Variants in DMD observed in about 807,000 individuals in gnomAD.
DMD encodes mutant dystrophin.
Under a neutral mutation model 330.1 loss-of-function variants are expected in DMD, and 63 were observed. The observed-to-expected ratio is 0.19, with a 90% CI of 0.16 to 0.24. The LOEUF is 0.24. DMD is among the 10% of genes least tolerant of loss of function. DMD has a pLI of 1.00. For synonymous variants in DMD, 1,223 were observed against 959.8 expected (o/e 1.27, Z -5.07); for missense variants, 3,344 against 2,684.1 (o/e 1.25, Z -5.43).
chrX:32,368,452 C>T (rs1442225409), intron 34 of DMD, among the ~76,000 whole-genome samples: 3 of 111,159 alleles, frequency 2.7e-5, no homozygotes, highest in Non-Finnish European at 5.7e-5. Context: ...TACGAAGCAA[C>T]GAGAAGGTAT....
chrX:33,006,243 C>T (rs775653698), intron 2 of DMD, among the ~76,000 whole-genome samples: 1 of 111,250 alleles, frequency 9.0e-6, no homozygotes, highest in Non-Finnish European at 1.9e-5. Flanking sequence ...ATAGACAAAC[C>T]GTTTCTAAAG....
chrX:32,581,367 T>G (rs926114974), intron 13 of DMD, among the ~76,000 whole-genome samples: 1 of 112,434 alleles, frequency 8.9e-6, no homozygotes, highest in African/African-American at 3.2e-5. Context: ...GGTTACTATG[T>G]AGAAAAACAG....
intron 50 of DMD, among the ~76,000 whole-genome samples, chrX:31,807,238 G>C (rs1363615040): frequency 8.9e-6 from 1 of 112,025 alleles, no homozygotes; most frequent in Non-Finnish European, 1.9e-5. Flanking sequence ...TACTTTCAGA[G>C]AATCAGGTCT....
intron 61 of DMD, among the ~76,000 whole-genome samples, chrX:31,340,650 A>T (rs2057679548): frequency 1.8e-5 from 2 of 112,372 alleles, no homozygotes; most frequent in Admixed American, 9.4e-5. Context: ...TAAAGTTATG[A>T]ATGCTATTAG....
intron 55 of DMD, among the ~76,000 whole-genome samples, chrX:31,549,772 T>C (rs1016937041): frequency 3.6e-5 from 4 of 112,498 alleles, no homozygotes; most frequent in Non-Finnish European, 7.5e-5. Context: ...CATAAATTCA[T>C]GCTTATGAAA....
chrX:32,436,911 C>T (rs765909092), intron 29 of DMD, among the ~76,000 whole-genome samples: 1 of 109,452 alleles, frequency 9.1e-6, no homozygotes, highest in South Asian at 4.0e-4. Context: ...CACGATCATG[C>T]CACTGCACTC....
At chrX:31,206,460 C>A in intron 66 of DMD, 122 bp downstream of exon 66, 1 of 621,454 alleles carries the variant, frequency 1.6e-6, no homozygotes, top group Non-Finnish European at 2.6e-6. Flanking sequence ...ACTCTAAAAG[C>A]AGTTCTACAT....
In DMD at chrX:32,569,608, T is replaced by A. The variant is rs143584953; in HGVS notation, c.1813-3727A>T. On this transcript the variant is annotated intron_variant, in intron 15 of 78. Transcript: ENST00000357033. ...TCGGGGGAACACATTTTGAGAAGCATTGATCCTGTCTGAATTAATTATTTG... is the reference window on the plus strand; with the variant it reads ...TCGGGGGAACACATTTTGAGAAGCAATGATCCTGTCTGAATTAATTATTTG... Among the ~76,000 whole-genome samples, 316 of 111,703 alleles carry A rather than the reference T, an allele frequency of 2.8e-3. 8 individuals are homozygous for A. Among genetic ancestry groups the A allele is most frequent in the Admixed American group, 0.025 (258 of 10,495 alleles).
At chrX:31,417,458 A>C (rs2148923468) in intron 60 of DMD, among the ~76,000 whole-genome samples, 1 of 108,434 alleles carries the variant, frequency 9.2e-6, no homozygotes, top group Non-Finnish European at 1.9e-5. Context: ...CGCCCAGCTA[A>C]TTTTTGTATT....
chrX:32,227,331 C>T (rs1453033717), intron 43 of DMD, among the ~76,000 whole-genome samples: 16 of 74,070 alleles, frequency 2.2e-4, no homozygotes, highest in African/African-American at 7.3e-4. Context: ...ACACAAATTG[C>T]GTATGGAATA....
At chrX:31,262,185 G>A (rs2050590477) in intron 62 of DMD, among the ~76,000 whole-genome samples, 1 of 112,268 alleles carries the variant, frequency 8.9e-6, no homozygotes, top group African/African-American at 3.2e-5. Flanking sequence ...TAAGTGACCG[G>A]CACCATTTGG....
intron 1 of DMD, chrX:33,128,370 C>T: frequency 9.8e-7 from 1 of 1,025,212 alleles, no homozygotes; most frequent in Admixed American, 4.3e-5. Context: ...CCTGTTTCTT[C>T]CACTCCGGTT....
intron 27 of DMD, among the ~76,000 whole-genome samples, chrX:32,442,099 A>G (rs961721769): frequency 9.0e-6 from 1 of 111,135 alleles, no homozygotes; most frequent in Non-Finnish European, 1.9e-5. Context: ...ATAGAAGAAA[A>G]TATTTCTGAC....
chrX:31,540,009 C>T (rs908108042), intron 55 of DMD, among the ~76,000 whole-genome samples: 6 of 111,825 alleles, frequency 5.4e-5, no homozygotes, highest in Admixed American at 9.5e-5. Flanking sequence ...AATTGCCACT[C>T]GGAAACAGAA....
At chrX:32,896,895 A>C (rs2085772902) in intron 2 of DMD, among the ~76,000 whole-genome samples, 1 of 112,439 alleles carries the variant, frequency 8.9e-6, no homozygotes, top group Non-Finnish European at 1.9e-5. Flanking sequence ...AATTGCTGTC[A>C]GATGAAAAGT....
At chrX:33,334,223 A>G (rs1483492846) in intron 1 of DMD, among the ~76,000 whole-genome samples, 3 of 111,551 alleles carry the variant, frequency 2.7e-5, no homozygotes, top group East Asian at 5.6e-4. Flanking sequence ...AAATTATCTC[A>G]ATAGACTAAC....
At chrX:32,422,300 A>G (rs1251204174) in intron 29 of DMD, among the ~76,000 whole-genome samples, 2 of 111,668 alleles carry the variant, frequency 1.8e-5, no homozygotes, top group Admixed American at 1.9e-4. Context: ...TACAGTTCTC[A>G]GCCTCAATTA....
intron 51 of DMD, among the ~76,000 whole-genome samples, chrX:31,765,051 T>C (rs1172338317): frequency 6.0e-5 from 5 of 82,923 alleles, no homozygotes; most frequent in Non-Finnish European, 1.3e-4. Context: ...ATCCTGTTGC[T>C]TTTTTTTTTT....
intron 76 of DMD, among the ~76,000 whole-genome samples, chrX:31,139,474 TACACACACACACACACACAC>T (rs57784155): frequency 2.0e-5 from 2 of 98,585 alleles, no homozygotes; most frequent in Non-Finnish European, 4.1e-5. Context: ...GGTGTTTATA[TACACACACACACACACACAC>T]ACACACACAC....
Sources: allele counts gnomAD v4.1 joint callset (sites outside exome capture counted in the v4.1 genomes callset), GRCh38; gene constraint gnomAD v4.1.1; transcripts MANE v1.5; gene names NCBI Gene and HGNC (gene_info 2026-07-23, HGNC 2026-07-21).